Variants in UGT1A9 observed in about 807,000 individuals in gnomAD.
UGT1A9 encodes UDP glucuronosyltransferase family 1 member A9, also known as UDP-glucuronosyltransferase 1A9.
Under a neutral mutation model 45.0 loss-of-function variants are expected in UGT1A9, and 35 were observed. The ratio of observed to expected loss-of-function variants is 0.78; its 90% CI spans 0.59 to 1.03. The LOEUF is 1.03. UGT1A9 is among the 50% of genes least tolerant of loss of function. The pLI is 0.00. For synonymous variants in UGT1A9, 278 were observed against 250.6 expected (o/e 1.11, Z -1.03); for missense variants, 687 against 666.6 (o/e 1.03, Z -0.34).
Position 233,769,502 on chromosome 2 carries a change from T to C in UGT1A9, c.1295+1063T>C, listed in dbSNP as rs1443648635. The C allele has an allele frequency of 1.2e-6, 2 of 1,612,762 alleles. No individual in the cohort carries two copies. On this transcript the variant is annotated intron_variant, in intron 4 of 4. Transcript: ENST00000354728. The surrounding 1 kb of genome is among the most constrained non-coding windows in gnomAD (Gnocchi z 4.4). Reference sequence around the variant, plus strand: ...GTGCGTGTGTTTATGAGAGTGTCCATTGCTTTCTCCCATGGTTACCTCCTT... The same window carrying C: ...GTGCGTGTGTTTATGAGAGTGTCCACTGCTTTCTCCCATGGTTACCTCCTT...
intron 1 of UGT1A9, among the ~76,000 whole-genome samples, chr2:233,673,031 G>C (rs779935608): frequency 7.9e-5 from 12 of 152,084 alleles, no homozygotes; most frequent in Non-Finnish European, 1.6e-4. Flanking sequence ...ACATTTTTAA[G>C]TACCATGTTT....
chr2:233,743,626 G>T (rs1399385903), intron 1 of UGT1A9: 3 of 1,367,322 alleles, frequency 2.2e-6, no homozygotes, highest in Non-Finnish European at 2.9e-6. Flanking sequence ...TGAAGACGTC[G>T]GCTGGGTCGC....
intron 1 of UGT1A9, chr2:233,747,293 A>C (rs1693613348): frequency 3.7e-6 from 6 of 1,600,642 alleles, no homozygotes; most frequent in Non-Finnish European, 5.1e-6. Context: ...CCCTGGGCTG[A>C]GAGTGGGAAG....
rs757687307 is a variant in UGT1A9, at chr2:233,767,853, T to A, written c.992T>A (p.Leu331Gln). The change falls in exon 3 of 5, where the codon CTG (leucine) becomes CAG (glutamine). Residue 331 changes from leucine (L) to glutamine (Q), a missense_variant. Physicochemically the swap from Leu to Gln is moderately radical, Grantham distance 113 (BLOSUM62 -2). Transcript: ENST00000354728. ...DALGKIPQTV[L>Q]WRYTGTRPSN... ...TGCTCTTTTTGCCCCTCCCAGGTCCTGTGGCGGTACACTGGAACCCGACCA... is the reference window on the plus strand; with the variant it reads ...TGCTCTTTTTGCCCCTCCCAGGTCCAGTGGCGGTACACTGGAACCCGACCA... 7.4e-6 allele frequency: 12 copies of A among 1,614,210 alleles called. No homozygotes were observed. Among genetic ancestry groups the A allele is most frequent in the African/African-American group, 1.3e-5 (1 of 75,056 alleles).
At chr2:233,716,482 AG>A (rs1254204118) in intron 1 of UGT1A9, among the ~76,000 whole-genome samples, 1 of 152,104 alleles carries the variant, frequency 6.6e-6, no homozygotes, top group East Asian at 1.9e-4. Flanking sequence ...TGTCCTCCGT[AG>A]TCTTCTATTC....
chr2:233,763,406 T>A (rs1698303480), intron 1 of UGT1A9, among the ~76,000 whole-genome samples: 1 of 152,236 alleles, frequency 6.6e-6, no homozygotes, highest in African/African-American at 2.4e-5. Context: ...GGCACTGGTA[T>A]TTTTAATCCA....
intron 1 of UGT1A9, among the ~76,000 whole-genome samples, chr2:233,761,404 T>C (rs1310235983): frequency 6.6e-6 from 1 of 152,228 alleles, no homozygotes; most frequent in East Asian, 1.9e-4. Flanking sequence ...TAGTAATCAA[T>C]TAGAAACAAC....
intron 1 of UGT1A9, among the ~76,000 whole-genome samples, chr2:233,689,366 C>T (rs2074939498): frequency 6.6e-6 from 1 of 152,200 alleles, no homozygotes; most frequent in Non-Finnish European, 1.5e-5. Context: ...ATGTGCAGGG[C>T]ACAAAGCAAG....
rs374013247 is a variant in UGT1A9, at chr2:233,693,245, C to T, written c.855+20456C>T. ...CTACACAAGAAAAATCTATCCAGTG[C>T]CGTATGACCAAGAAGAGCTGAAGAA... On this transcript the variant is annotated intron_variant, in intron 1 of 4. Coordinates refer to ENST00000354728, the MANE Select transcript of UGT1A9 (RefSeq NM_021027.3). 49 of 1,613,952 alleles carry T rather than the reference C, an allele frequency of 3.0e-5. 1 individual carries two copies. The highest frequency in any genetic ancestry group is 3.6e-5 in the Non-Finnish European group (42 of 1,180,016).
At chr2:233,685,469 C>T (rs1221613108) in intron 1 of UGT1A9, among the ~76,000 whole-genome samples, 1 of 152,188 alleles carries the variant, frequency 6.6e-6, no homozygotes, top group Admixed American at 6.5e-5. Context: ...GCCAGTGCAG[C>T]TCTGGAGAAC....
intron 1 of UGT1A9, among the ~76,000 whole-genome samples, chr2:233,724,378 G>A (rs1437497782): frequency 1.4e-5 from 2 of 146,678 alleles, no homozygotes; most frequent in East Asian, 2.1e-4. Flanking sequence ...TGGCTGCCGG[G>A]CGGAGACGCT....
intron 1 of UGT1A9, chr2:233,729,786 G>A: frequency 6.2e-7 from 1 of 1,613,972 alleles, no homozygotes; most frequent in East Asian, 2.2e-5. Flanking sequence ...CTCTGGCCCT[G>A]TCCTACATTT....
Position 233,687,583 on chromosome 2 carries a change from T to TA in UGT1A9, c.855+14818dup, listed in dbSNP as rs71398794. Among the ~76,000 whole-genome samples the TA allele has an allele frequency of 9.1e-3, 974 of 107,020 alleles. 5 individuals carry two copies. Among genetic ancestry groups the TA allele is most frequent in the East Asian group, 0.026 (90 of 3,434 alleles). 70.2% of individuals were successfully genotyped at this position (107,020 alleles called of 152,430 possible). A position where few individuals can be genotyped will look rare whatever the true frequency, so the allele number is the denominator to read the frequency against. ...AGAATTCAAGACCATACATTCTTTGTAAAAAAAAAAAAAAAAAAAAAAAAG... is the reference window on the plus strand; with the variant it reads ...AGAATTCAAGACCATACATTCTTTGTAAAAAAAAAAAAAAAAAAAAAAAAAG... On this transcript the variant is annotated intron_variant, in intron 1 of 4. Transcript: ENST00000354728.
chr2:233,682,881 T>G (rs780627124), intron 1 of UGT1A9: 119 of 1,513,054 alleles, frequency 7.9e-5, no homozygotes, highest in Non-Finnish European at 9.6e-5. Flanking sequence ...TCATTTACAT[T>G]TGTCCCATTT....
chr2:233,687,234 A>G (rs959711464), intron 1 of UGT1A9, among the ~76,000 whole-genome samples: 1 of 152,052 alleles, frequency 6.6e-6, no homozygotes, highest in Non-Finnish European at 1.5e-5. Context: ...ATTATCTCCA[A>G]CCTCCACAAG....
At chr2:233,765,122 G>A (rs181302961) in intron 1 of UGT1A9, among the ~76,000 whole-genome samples, 232 of 152,218 alleles carry the variant, frequency 1.5e-3, no homozygotes, top group Admixed American at 3.1e-3. Context: ...GACTGTTCAG[G>A]TTTTAGCACT....
rs532123435 is a variant in UGT1A9 at position 233,768,784 on chromosome 2, ATGTT to A, written c.1295+349_1295+352del. Among the ~76,000 whole-genome samples the A allele has an allele frequency of 2.0e-5, 3 of 151,986 alleles. No homozygotes were observed. The South Asian group carries it at 6.2e-4, about 32-fold the overall frequency. On this transcript the variant is annotated intron_variant, in intron 4 of 4. Coordinates refer to ENST00000354728, the MANE Select transcript of UGT1A9 (RefSeq NM_021027.3). ...TTTTTAGTAGAGAAAGGGTTTCACC[ATGTT>A]TGTCAGGCTGGTCTTGAACTCCTGA...
chr2:233,741,622 A>G (rs1467622913), intron 1 of UGT1A9: 1 of 151,894 alleles, frequency 6.6e-6, no homozygotes, highest in Non-Finnish European at 1.5e-5. Context: ...GTCAGACCCC[A>G]TGAGCCCCTG....
In UGT1A9 at chr2:233,704,013, C is replaced by T. The variant is rs540350992; in HGVS notation, c.855+31224C>T. ...TCAAGCAGTTCTCCCACCTCAGCCG[C>T]CCGAGCAGCTGGAACTACAGGTGTG... On this transcript the variant is annotated intron_variant, in intron 1 of 4. Coordinates refer to ENST00000354728, the MANE Select transcript of UGT1A9 (RefSeq NM_021027.3). Among the ~76,000 whole-genome samples the T allele has an allele frequency of 9.2e-5, 14 of 152,132 alleles. No individual in the cohort carries two copies. The East Asian group carries it at 2.7e-3, about 29-fold the overall frequency.
Sources: allele counts gnomAD v4.1 joint callset (sites outside exome capture counted in the v4.1 genomes callset), GRCh38; gene constraint gnomAD v4.1.1; non-coding constraint Gnocchi (gnomAD v3.1); transcripts MANE v1.5; gene names NCBI Gene and HGNC (gene_info 2026-07-23, HGNC 2026-07-21).